The following WDR35 variants were observed in gnomAD, a reference collection of about 807,000 sequenced individuals.
WDR35 encodes WD repeat-containing protein 35.
A neutral mutation model predicts 158.3 loss-of-function variants in WDR35; 118 were observed. The ratio of observed to expected loss-of-function variants is 0.75; its 90% confidence interval spans 0.64 to 0.87. The LOEUF (loss-of-function observed/expected upper bound fraction) is 0.87. Among genes scored for constraint, WDR35 ranks in the 40% least tolerant of loss-of-function variants. The probability of loss-of-function intolerance (pLI) is 0.00; values close to 1 mark genes in which losing one functional copy is unlikely to be tolerated. For synonymous variants in WDR35, 448 were observed against 476.1 expected (o/e 0.94, Z 0.77); for missense variants, 1,263 against 1,405.8 (o/e 0.90, Z 1.62).
chr2:19,946,406 C>T (rs983030487), intron 15 of WDR35, 55 bp downstream of exon 15: 13 of 1,405,454 alleles, frequency 9.2e-6, no homozygotes, highest in African/African-American at 2.8e-5. Context: ...ATCTAACAAT[C>T]CCAACTGATC....
chr2:19,937,882 G>A lies in WDR35; in HGVS notation c.2128C>T (p.Arg710Cys), dbSNP rs781365658. Residue 710 changes from arginine to cysteine, a missense_variant, in exon 19 of 27, where the codon CGC (arginine) becomes TGC (cysteine). Coordinates refer to ENST00000281405, the MANE Select transcript of WDR35 (RefSeq NM_020779.4). Reference sequence around the variant, plus strand: ...TTAATGCCTTGGTAATCTTTGCAGCGCACAAATGCTTGCTCTGCAGTGTAT... The same window carrying A: ...TTAATGCCTTGGTAATCTTTGCAGCACACAAATGCTTGCTCTGCAGTGTAT... Reference protein sequence around the residue: ...DLYTAEQAFVRCKDYQGIKFV... With the variant: ...DLYTAEQAFVCCKDYQGIKFV... The A allele has an allele frequency of 2.7e-5, 43 of 1,613,992 alleles. No homozygotes were observed. In the Admixed American group the frequency reaches 2.8e-4, roughly 11 times the overall value.
At chr2:19,925,217 A>G (rs1444025094) in intron 25 of WDR35, among the ~76,000 whole-genome samples, 1 of 152,218 alleles carries the variant, frequency 6.6e-6, no homozygotes, top group Non-Finnish European at 1.5e-5. Context: ...GTTTAAGTTT[A>G]AAAGGGGTAT....
At position 19,989,172 on chromosome 2, in the gene WDR35, C is replaced by G. The variant is rs773319707; in HGVS notation, c.135G>C (p.Thr45=). Residue 45 remains threonine, a synonymous_variant, in exon 2 of 27, where the codon ACG becomes ACC. Coordinates refer to ENST00000281405, the MANE Select transcript of WDR35 (RefSeq NM_020779.4). ...GGGCTTGCATTCATTTACCTGTCTG[C>G]GTCTCTAATTTCAAAACTTTCAGTA... is the stretch of plus-strand genomic sequence containing the variant. ...DGLLKVLKLE[T]QTDDAKLRGL... is the part of the protein sequence containing the mutation. 4.3e-6 allele frequency: 7 copies of G among 1,613,980 alleles called. No individual in the cohort carries two copies. In the Admixed American group the frequency reaches 8.3e-5, roughly 19 times the overall value.
chr2:19,958,273 C>T (rs920552763), intron 11 of WDR35, among the ~76,000 whole-genome samples: 3 of 152,142 alleles, frequency 2.0e-5, no homozygotes, highest in Non-Finnish European at 4.4e-5. Context: ...CTGCAAATGC[C>T]GTTTTCTTTC....
intron 23 of WDR35, 65 bp downstream of exon 23, chr2:19,932,218 C>T (rs1013350369): frequency 8.2e-6 from 13 of 1,591,880 alleles, no homozygotes; most frequent in African/African-American, 2.7e-5. Context: ...GGAGAATATG[C>T]TCTTTCATAT....
chr2:19,974,767 C>A, intron 6 of WDR35, 134 bp from the exon 7 acceptor site: 1 of 798,340 alleles, frequency 1.3e-6, no homozygotes, highest in Admixed American at 3.0e-5. Flanking sequence ...AAAGCTTAAT[C>A]ACTTACTGGT....
rs772138388 is a variant in WDR35 at position 19,936,307 on chromosome 2, G to A, written c.2326C>T (p.Leu776=). The change falls in exon 20 of 27, where the codon CTG becomes TTG. Residue 776 remains leucine (L), a synonymous_variant. Transcript: ENST00000281405. The part of the protein sequence containing the change: ...LGDWFRVLQL[L]KTGSGDADDS... ...TCTGCATCACCAGATCCAGTTTTCA[G>A]GAGCTGGAGTACTCTAAACCAATCC... 30 of 1,613,910 alleles carry A rather than the reference G, an allele frequency of 1.9e-5. No homozygotes were observed. The Admixed American group carries it at 4.3e-4, about 23-fold the overall frequency.
chr2:19,989,643 G>C (rs1472836470), intron 1 of WDR35, among the ~76,000 whole-genome samples: 2 of 152,170 alleles, frequency 1.3e-5, no homozygotes, highest in East Asian at 1.9e-4. Flanking sequence ...CTTTTCTCTT[G>C]CCCAATGGCT....
intron 2 of WDR35, among the ~76,000 whole-genome samples, chr2:19,988,001 A>C (rs1353023885): frequency 6.6e-6 from 1 of 152,124 alleles, no homozygotes; most frequent in Non-Finnish European, 1.5e-5. Flanking sequence ...ATTGAACTAT[A>C]AAACAGCATA....
chr2:19,967,028 C>G, intron 9 of WDR35, 119 bp from the exon 10 acceptor site: 1 of 926,276 alleles, frequency 1.1e-6, no homozygotes, highest in Non-Finnish European at 1.7e-6. Flanking sequence ...ATATTTATCA[C>G]TGCTGACAAA....
At position 19,913,288 on chromosome 2, in the gene WDR35, G is replaced by A. The variant is rs1669890245; in HGVS notation, c.*270C>T. ...ATTTGGAATATTTCCATGGTATCAT[G>A]TAACCAAAAACAAGATAAACAAAAG... On this transcript the variant is annotated 3_prime_UTR_variant, in exon 27 of 27. Coordinates refer to ENST00000281405, the MANE Select transcript of WDR35 (RefSeq NM_020779.4). 8.6e-6 allele frequency: 3 copies of A among 347,202 alleles called. No homozygotes were observed. Among genetic ancestry groups the A allele is most frequent in the African/African-American group, 6.4e-5 (3 of 47,222 alleles). 21.5% of individuals were successfully genotyped at this position (347,202 alleles called of 1,614,324 possible).
Position 19,921,776 on chromosome 2 carries a change from A to G in WDR35, c.3122-7499T>C, listed in dbSNP as rs980370303. Reference sequence around the variant, plus strand: ...TTCTGCACAGCAAAAGAAACTATCAACAGAGTGAACTGGCAACCTACAGAA... The same window carrying G: ...TTCTGCACAGCAAAAGAAACTATCAGCAGAGTGAACTGGCAACCTACAGAA... On this transcript the variant is annotated intron_variant, in intron 25 of 26. Transcript: ENST00000281405. 3.3e-5 allele frequency among the ~76,000 whole-genome samples: 5 copies of G among 152,206 alleles called. No individual in the cohort carries two copies. The South Asian group carries it at 1.0e-3, about 31-fold the overall frequency.
chr2:19,967,834 T>C (rs1013380998), intron 9 of WDR35, among the ~76,000 whole-genome samples: 6 of 152,310 alleles, frequency 3.9e-5, no homozygotes, highest in Non-Finnish European at 8.8e-5. Flanking sequence ...CATGGTACAT[T>C]TGTCACAACT....
At chr2:19,971,496 A>G (rs941690594) in intron 8 of WDR35, among the ~76,000 whole-genome samples, 1 of 152,206 alleles carries the variant, frequency 6.6e-6, no homozygotes, top group African/African-American at 2.4e-5. Flanking sequence ...CAGTAGCTCA[A>G]TACTGGACTT....
At chr2:19,974,723 T>A in intron 6 of WDR35, 90 bp from the exon 7 acceptor site, 1 of 1,278,676 alleles carries the variant, frequency 7.8e-7, no homozygotes, top group Non-Finnish European at 1.1e-6. Context: ...GAAAGAACAC[T>A]GAAAAATACA....
intron 8 of WDR35, among the ~76,000 whole-genome samples, chr2:19,972,536 T>C (rs1030708013): frequency 6.6e-6 from 1 of 152,102 alleles, no homozygotes; most frequent in Non-Finnish European, 1.5e-5. Context: ...TTTTTAATTA[T>C]TTAGGAACCT....
At chr2:19,953,703 T>C (rs527463905) in intron 12 of WDR35, 131 bp downstream of exon 12, 23 of 1,198,850 alleles carry the variant, frequency 1.9e-5, no homozygotes, top group Non-Finnish European at 2.4e-5. Context: ...TTAAAGATAA[T>C]CAAATTAATT....
At chr2:19,983,526 C>G (rs1365505415) in intron 2 of WDR35, among the ~76,000 whole-genome samples, 3 of 152,204 alleles carry the variant, frequency 2.0e-5, no homozygotes, top group Non-Finnish European at 4.4e-5. Flanking sequence ...ATAAATTAAT[C>G]TTGGCTTAGA....
rs1671965656 is a variant in WDR35, at chr2:19,969,475, T to C, written c.1008+5A>G. 1 of 1,609,548 alleles carries C rather than the reference T, an allele frequency of 6.2e-7. No individual in the cohort carries two copies. The highest frequency in any genetic ancestry group is 1.7e-5 in the Admixed American group (1 of 59,810). On this transcript the variant is annotated splice_donor_5th_base_variant and intron_variant, in intron 9 of 26. Transcript: ENST00000281405. ...GTTTATTTTACAACTGCTCTTAATA[T>C]TTACCTTATAATTAGGTCGAATGTT... is the stretch of plus-strand genomic sequence containing the variant.
Sources: gnomAD v4.1 joint callset for allele counts (sites outside exome capture counted in the v4.1 genomes callset) on GRCh38, gnomAD v4.1.1 for gene constraint, MANE v1.5 for transcripts, NCBI Gene and HGNC (gene_info 2026-07-23, HGNC 2026-07-21) for gene names.